GRB10: variants seen among roughly 807,000 people sequenced by gnomAD.
GRB10 encodes the protein growth factor receptor bound protein 10.
Under a neutral mutation model 80.9 loss-of-function variants are expected in GRB10, and 20 were observed. The ratio of observed to expected loss-of-function variants is 0.25; its 90% CI spans 0.17 to 0.36. The LOEUF (loss-of-function observed/expected upper bound fraction) is 0.36. GRB10 is among the 10% of genes least tolerant of loss of function. The pLI is 1.00. For synonymous variants in GRB10, 291 were observed against 291.5 expected, an observed-to-expected ratio of 1.00 and a Z score of 0.02; for missense variants, 548 against 747.7, an observed-to-expected ratio of 0.73 and a Z score of 3.12.
chr7:50,740,244 ACACCATTCTAGCT>A (rs760160038), intron 3 of GRB10, among the ~76,000 whole-genome samples: 2 of 152,202 alleles, frequency 1.3e-5, no homozygotes, highest in African/African-American at 2.4e-5. Flanking sequence ...TTCAAGTGGC[ACACCATTCTAGCT>A]CATCGCCCTG....
intron 13 of GRB10, among the ~76,000 whole-genome samples, chr7:50,607,618 A>C (rs2048762912): frequency 6.6e-6 from 1 of 152,188 alleles, no homozygotes; most frequent in Non-Finnish European, 1.5e-5. Flanking sequence ...TGAGCTGTAC[A>C]CTATAATTAT....
intron 17 of GRB10, among the ~76,000 whole-genome samples, chr7:50,602,856 A>C (rs2047853197): frequency 6.6e-6 from 1 of 152,168 alleles, no homozygotes; most frequent in Non-Finnish European, 1.5e-5. Flanking sequence ...ATTGAGATGT[A>C]TTTGCTGGCA....
intron 7 of GRB10, among the ~76,000 whole-genome samples, chr7:50,661,922 C>A (rs1183173901): frequency 6.6e-6 from 1 of 152,250 alleles, no homozygotes; most frequent in Non-Finnish European, 1.5e-5. Context: ...GTGGTGGCTG[C>A]TGTCTCCGGC....
intron 3 of GRB10, among the ~76,000 whole-genome samples, chr7:50,741,846 T>C (rs2153696814): frequency 6.6e-6 from 1 of 151,918 alleles, no homozygotes; most frequent in East Asian, 1.9e-4. Flanking sequence ...CATGACAAAA[T>C]TGAAATCCAA....
intron 7 of GRB10, among the ~76,000 whole-genome samples, chr7:50,627,923 GCCAC>G (rs370387506): frequency 5.3e-5 from 8 of 152,194 alleles, no homozygotes; most frequent in African/African-American, 1.9e-4. Flanking sequence ...CAGCAGGGAG[GCCAC>G]CCACCCACCC....
chr7:50,602,877 A>C (rs796954862), intron 17 of GRB10, among the ~76,000 whole-genome samples: 3 of 152,188 alleles, frequency 2.0e-5, no homozygotes, highest in Non-Finnish European at 4.4e-5. Context: ...AAAATTTAGG[A>C]TATCTGAAAT....
intron 6 of GRB10, among the ~76,000 whole-genome samples, chr7:50,670,171 A>G (rs565380554): frequency 6.6e-6 from 1 of 152,342 alleles, no homozygotes; most frequent in African/African-American, 2.4e-5. Context: ...GCAGAGTCAA[A>G]CACACCAGTC....
intron 2 of GRB10, among the ~76,000 whole-genome samples, chr7:50,771,815 GCTTAA>G (rs2077007128): frequency 6.6e-6 from 1 of 152,186 alleles, no homozygotes; most frequent in Non-Finnish European, 1.5e-5. Context: ...TCAGCACAAT[GCTTAA>G]CAAGAGGAAA....
At chr7:50,722,966 T>C (rs1050175481) in intron 4 of GRB10, among the ~76,000 whole-genome samples, 1 of 152,136 alleles carries the variant, frequency 6.6e-6, no homozygotes, top group African/African-American at 2.4e-5. Flanking sequence ...CTTAGAAAGC[T>C]GAAAAATCCA....
chr7:50,690,586 C>T (rs2108351), intron 5 of GRB10, among the ~76,000 whole-genome samples: 11,199 of 152,232 alleles, frequency 0.074, 1,410 homozygotes, highest in African/African-American at 0.25. Context: ...AGAAATGACT[C>T]ACTGCTCACC....
intron 4 of GRB10, among the ~76,000 whole-genome samples, chr7:50,712,992 T>C (rs1312003321): frequency 1.3e-5 from 2 of 152,218 alleles, no homozygotes; most frequent in African/African-American, 4.8e-5. Context: ...TCTTGACAAA[T>C]GGTTTTCCCA....
At position 50,674,671 on chromosome 7, in the gene GRB10, A is replaced by G. The variant is rs2060729622; in HGVS notation, c.140-13T>C. On this transcript the variant is annotated splice_polypyrimidine_tract_variant and intron_variant, in intron 5 of 18. Transcript: ENST00000401949. ...TCCACATCATCCTCTGCACAGAAAA[A>G]GGCAAGAGCAAAAAAGAAACTTTAA... The G allele has an allele frequency of 6.2e-7, 1 of 1,610,390 alleles. No individual in the cohort carries two copies.
At chr7:50,629,488 T>C (rs2190497) in intron 7 of GRB10, among the ~76,000 whole-genome samples, 126,252 of 152,000 alleles carry the variant, frequency 0.83, 52,894 homozygotes, top group East Asian at 0.94. Flanking sequence ...GGCAGGCACC[T>C]TCCAGCTCCA....
At position 50,717,270 on chromosome 7, in the gene GRB10, C is replaced by G. The variant is rs77721428; in HGVS notation, c.52-13362G>C. 5.3e-3 allele frequency among the ~76,000 whole-genome samples: 806 copies of G among 152,310 alleles called. 8 individuals carry two copies. Among genetic ancestry groups the G allele is most frequent in the African/African-American group, 0.018 (759 of 41,554 alleles). On this transcript the variant is annotated intron_variant, in intron 4 of 18. Transcript: ENST00000401949. The stretch of plus-strand genomic sequence containing the variant: ...CCATTCCTTCCACTCAGAGGTGAAC[C>G]TACTCTTACGTACTTGAAAAGCAGT...
chr7:50,710,555 T>G (rs1158513365), intron 4 of GRB10, among the ~76,000 whole-genome samples: 1 of 152,126 alleles, frequency 6.6e-6, no homozygotes, highest in East Asian at 1.9e-4. Flanking sequence ...AGTTTTCTTA[T>G]CTAAAACTGC....
chr7:50,659,992 A>G (rs2059076776), intron 7 of GRB10, among the ~76,000 whole-genome samples: 2 of 152,150 alleles, frequency 1.3e-5, no homozygotes, highest in Admixed American at 1.3e-4. Flanking sequence ...ACTTTTTGTG[A>G]TGTATTTGTC....
At chr7:50,791,620 C>A (rs779710993) in intron 1 of GRB10, among the ~76,000 whole-genome samples, 1 of 152,218 alleles carries the variant, frequency 6.6e-6, no homozygotes, top group African/African-American at 2.4e-5. Context: ...GCCTTGTAAA[C>A]TGTGAAATGC....
intron 2 of GRB10, among the ~76,000 whole-genome samples, chr7:50,770,212 T>TC (rs1202901611): frequency 6.6e-6 from 1 of 152,210 alleles, no homozygotes; most frequent in Non-Finnish European, 1.5e-5. Context: ...CATTACCACT[T>TC]CCAGGCTGCA....
At chr7:50,727,924 C>T (rs893299281) in intron 4 of GRB10, 1 of 152,160 alleles carries the variant, frequency 6.6e-6, no homozygotes, top group African/African-American at 2.4e-5. Context: ...AATTTAAACA[C>T]CATGCCTAAA....
Sources: allele counts gnomAD v4.1 joint callset (sites outside exome capture counted in the v4.1 genomes callset), GRCh38; gene constraint gnomAD v4.1.1; transcripts MANE v1.5; gene names NCBI Gene and HGNC (gene_info 2026-07-23, HGNC 2026-07-21).